Variants in ROR1 observed in about 807,000 individuals in gnomAD.
The protein encoded by ROR1 is inactive tyrosine-protein kinase transmembrane receptor ROR1.
A neutral mutation model predicts 78.8 loss-of-function variants in ROR1; 19 were observed. The ratio of observed to expected loss-of-function variants is 0.24; its 90% confidence interval spans 0.17 to 0.35. ROR1 has a LOEUF of 0.35. Among genes scored for constraint, ROR1 ranks in the 10% least tolerant of loss-of-function variants. The pLI, the probability that ROR1 is intolerant of heterozygous loss-of-function variation, is 1.00. For missense variants in ROR1, 917 were observed against 1,177.8 expected (o/e 0.78, Z 3.24); for synonymous variants, 386 against 433.6 (o/e 0.89, Z 1.36).
At chr1:63,839,819 TA>T (rs1446274922) in intron 1 of ROR1, among the ~76,000 whole-genome samples, 7 of 152,228 alleles carry the variant, frequency 4.6e-5, no homozygotes, top group Non-Finnish European at 1.0e-4. Context: ...TTATTTCTTT[TA>T]TTTAGCCATC....
At chr1:63,809,410 T>C (rs1480890861) in intron 1 of ROR1, among the ~76,000 whole-genome samples, 2 of 152,220 alleles carry the variant, frequency 1.3e-5, no homozygotes, top group African/African-American at 4.8e-5. Context: ...GGAGCCTCTA[T>C]ATTTAATTTC....
At chr1:63,983,912 A>C (rs1263994272) in intron 1 of ROR1, among the ~76,000 whole-genome samples, 1 of 152,186 alleles carries the variant, frequency 6.6e-6, no homozygotes, top group Admixed American at 6.5e-5. Flanking sequence ...AAAGGGACGC[A>C]AAGTACCCCA....
At chr1:63,978,085 T>A (rs1646176355) in intron 1 of ROR1, among the ~76,000 whole-genome samples, 1 of 152,166 alleles carries the variant, frequency 6.6e-6, no homozygotes, top group Non-Finnish European at 1.5e-5. Flanking sequence ...TATTTGTCCA[T>A]CCATGGCGGG....
intron 7 of ROR1, 80 bp from the exon 8 acceptor site, chr1:64,158,901 C>G (rs1233396268): frequency 9.5e-7 from 1 of 1,050,634 alleles, no homozygotes; most frequent in Non-Finnish European, 1.4e-6. Context: ...AGAGGTGGTT[C>G]ATTTTAAACT....
intron 1 of ROR1, among the ~76,000 whole-genome samples, chr1:63,828,977 A>T (rs1258366918): frequency 3.3e-5 from 5 of 152,204 alleles, no homozygotes; most frequent in African/African-American, 1.2e-4. Context: ...TTTTTCCATC[A>T]TATCATCGCC....
chr1:64,067,376 G>A (rs538289719), intron 4 of ROR1, among the ~76,000 whole-genome samples: 33 of 143,600 alleles, frequency 2.3e-4, no homozygotes, highest in African/African-American at 7.4e-4. Context: ...TAAAAAGGAG[G>A]CCTGTCGCGG....
At chr1:63,787,342 G>A (rs945026840) in intron 1 of ROR1, among the ~76,000 whole-genome samples, 5 of 152,124 alleles carry the variant, frequency 3.3e-5, no homozygotes, top group Non-Finnish European at 5.9e-5. Flanking sequence ...TCACTGTCAA[G>A]TATTAAGCAT....
At chr1:64,046,789 T>C (rs1310335989) in intron 2 of ROR1, among the ~76,000 whole-genome samples, 1 of 152,164 alleles carries the variant, frequency 6.6e-6, no homozygotes, top group African/African-American at 2.4e-5. Flanking sequence ...AGTGAAAAGA[T>C]TTGGGCTTGG....
chr1:63,869,093 G>A (rs1645235217), intron 1 of ROR1, among the ~76,000 whole-genome samples: 1 of 152,076 alleles, frequency 6.6e-6, no homozygotes, highest in African/African-American at 2.4e-5. Context: ...TGCATTAGTG[G>A]GGACACCCTT....
chr1:63,832,806 G>A (rs1303438053), intron 1 of ROR1, among the ~76,000 whole-genome samples: 2 of 152,022 alleles, frequency 1.3e-5, no homozygotes, highest in African/African-American at 2.4e-5. Context: ...CTCAGAAGAC[G>A]GCACTCAGCT....
intron 1 of ROR1, among the ~76,000 whole-genome samples, chr1:63,938,166 C>G (rs1057124103): frequency 1.3e-5 from 2 of 152,080 alleles, no homozygotes; most frequent in Admixed American, 6.5e-5. Flanking sequence ...TGTGTCTGTG[C>G]TTTATATGAG....
At chr1:64,148,088 G>C (rs540157109) in intron 7 of ROR1, among the ~76,000 whole-genome samples, 1 of 152,192 alleles carries the variant, frequency 6.6e-6, no homozygotes, top group Non-Finnish European at 1.5e-5. Context: ...ATATTCAATA[G>C]TAATTATCAT....
chr1:64,064,684 C>A (rs1279981604), intron 4 of ROR1, among the ~76,000 whole-genome samples: 1 of 152,160 alleles, frequency 6.6e-6, no homozygotes, highest in Non-Finnish European at 1.5e-5. Context: ...TCAGGTAGAA[C>A]ATTCAGTGGA....
chr1:63,896,460 C>G (rs558084787), intron 1 of ROR1, among the ~76,000 whole-genome samples: 1 of 152,262 alleles, frequency 6.6e-6, no homozygotes, highest in South Asian at 2.1e-4. Flanking sequence ...TGAAAGATTT[C>G]CATAACACTT....
intron 1 of ROR1, among the ~76,000 whole-genome samples, chr1:63,797,280 C>A (rs991378964): frequency 2.4e-4 from 36 of 152,194 alleles, no homozygotes; most frequent in African/African-American, 8.4e-4. Flanking sequence ...GACTTGCTCC[C>A]AGTCATCCTA....
intron 1 of ROR1, among the ~76,000 whole-genome samples, chr1:63,875,518 C>A (rs1321275015): frequency 6.6e-6 from 1 of 152,126 alleles, no homozygotes; most frequent in Admixed American, 6.6e-5. Context: ...GAGGGCAGAG[C>A]CATGGTTTAC....
At chr1:63,861,314 G>C (rs563203593) in intron 1 of ROR1, among the ~76,000 whole-genome samples, 90 of 152,254 alleles carry the variant, frequency 5.9e-4, no homozygotes, top group Non-Finnish European at 1.1e-3. Context: ...CTTGAGTTTG[G>C]GGAGAAATAA....
At chr1:63,917,584 C>T (rs560347185) in intron 1 of ROR1, among the ~76,000 whole-genome samples, 3 of 152,146 alleles carry the variant, frequency 2.0e-5, no homozygotes, top group South Asian at 2.1e-4. Context: ...TCATGGAAAC[C>T]GATGCAAAAT....
intron 1 of ROR1, among the ~76,000 whole-genome samples, chr1:63,786,227 A>G (rs138883910): frequency 4.2e-4 from 54 of 128,310 alleles, no homozygotes; most frequent in African/African-American, 1.4e-3. Context: ...GGAATAAAGC[A>G]TTTCCCCCCT....
Sources: allele counts gnomAD v4.1 joint callset (sites outside exome capture counted in the v4.1 genomes callset), GRCh38; gene constraint gnomAD v4.1.1; transcripts MANE v1.5; gene names NCBI Gene and HGNC (gene_info 2026-07-23, HGNC 2026-07-21).